SCAF8: variants seen among roughly 807,000 people sequenced by gnomAD.
The protein encoded by SCAF8 is SR-related CTD associated factor 8.
In SCAF8, 23 loss-of-function variants were observed where a neutral mutation model predicts 140.5. The ratio of observed to expected loss-of-function variants is 0.16; its 90% confidence interval spans 0.12 to 0.23. SCAF8 has a LOEUF of 0.23. Among genes scored for constraint, SCAF8 ranks in the 10% least tolerant of loss-of-function variants. The pLI is 1.00. For synonymous variants in SCAF8, 575 were observed against 528.9 expected, an observed-to-expected ratio of 1.09 and a Z score of -1.20; for missense variants, 1,397 against 1,555.7, an observed-to-expected ratio of 0.90 and a Z score of 1.72.
intron 18 of SCAF8, among the ~76,000 whole-genome samples, chr6:154,828,152 C>G (rs921636039): frequency 6.6e-6 from 1 of 152,190 alleles, no homozygotes; most frequent in African/African-American, 2.4e-5. Context: ...TTCCTTTCAT[C>G]CATTGATCAT....
chr6:154,807,993 T>G lies in SCAF8; in HGVS notation c.982-77T>G, dbSNP rs1482367409. 3.1e-6 allele frequency: 4 copies of G among 1,279,848 alleles called. No homozygotes were observed. The East Asian group carries it at 9.6e-5, about 31-fold the overall frequency. The allele number at this position is 1,279,848 out of a possible 1,614,324, so 79.3% of individuals were successfully genotyped here. A position where few individuals can be genotyped will look rare whatever the true frequency, so the allele number is the denominator to read the frequency against. On this transcript the variant is annotated intron_variant, in intron 9 of 19. Coordinates refer to ENST00000367178, the MANE Select transcript of SCAF8 (RefSeq NM_014892.5). ...CATGTTTTTAAACATGTAATTGTGATGTTTGCTGTGTTTACATTTTCATTC... is the reference window on the plus strand; with the variant it reads ...CATGTTTTTAAACATGTAATTGTGAGGTTTGCTGTGTTTACATTTTCATTC...
chr6:154,794,767 G>A (rs1562449772), intron 5 of SCAF8, among the ~76,000 whole-genome samples: 1 of 84,692 alleles, frequency 1.2e-5, no homozygotes, highest in African/African-American at 6.1e-5. Flanking sequence ...GGTGGGGGGG[G>A]GGGGGTGTGG....
At chr6:154,784,374 T>C (rs1188543664) in intron 3 of SCAF8, among the ~76,000 whole-genome samples, 3 of 152,094 alleles carry the variant, frequency 2.0e-5, no homozygotes, top group East Asian at 1.9e-4. Flanking sequence ...TTCCACACTT[T>C]TTAAATTTAC....
At chr6:154,810,358 TAGAGA>T (rs950361672) in intron 12 of SCAF8, 150 bp downstream of exon 12, 10 of 556,984 alleles carry the variant, frequency 1.8e-5, no homozygotes, top group African/African-American at 3.9e-5. Context: ...TGTAACATGA[TAGAGA>T]AGAGAAGAAG....
chr6:154,790,599 C>T (rs1270512075), intron 4 of SCAF8, among the ~76,000 whole-genome samples: 1 of 144,650 alleles, frequency 6.9e-6, no homozygotes, highest in Non-Finnish European at 1.5e-5. Context: ...CAAGCTCCGC[C>T]TCCTGGGTTC....
At chr6:154,831,560 T>C (rs1181750326) in intron 19 of SCAF8, among the ~76,000 whole-genome samples, 1 of 152,026 alleles carries the variant, frequency 6.6e-6, no homozygotes, top group African/African-American at 2.4e-5. Context: ...CAGTAAGTCC[T>C]TTTTCTATGG....
At chr6:154,779,761 G>A (rs1453137324) in intron 3 of SCAF8, among the ~76,000 whole-genome samples, 1 of 88,608 alleles carries the variant, frequency 1.1e-5, no homozygotes, top group Non-Finnish European at 2.0e-5. Flanking sequence ...AAAATAAGGT[G>A]TGTGTGTGTG....
chr6:154,739,473 T>G lies in SCAF8; in HGVS notation c.30+5543T>G, dbSNP rs955996292. ...TTACAATGTAGCCTTTCCCCCATGA[T>G]CTATTTCTCTTGCTGCTCTGAATAG... On this transcript the variant is annotated intron_variant, in intron 1 of 19. Coordinates refer to ENST00000367178, the MANE Select transcript of SCAF8 (RefSeq NM_014892.5). Among the ~76,000 whole-genome samples, 117 of 152,316 alleles carry G rather than the reference T, an allele frequency of 7.7e-4. 1 individual carries two copies. The highest frequency in any genetic ancestry group is 2.7e-3 in the African/African-American group (114 of 41,560).
intron 1 of SCAF8, among the ~76,000 whole-genome samples, chr6:154,759,734 T>A (rs1037557854): frequency 5.3e-5 from 8 of 151,436 alleles, no homozygotes; most frequent in African/African-American, 1.5e-4. Flanking sequence ...GGTGCGATCT[T>A]GGCTCACTGC....
intron 4 of SCAF8, among the ~76,000 whole-genome samples, chr6:154,788,853 CTTAT>C (rs569238211): frequency 1.3e-3 from 197 of 152,060 alleles, no homozygotes; most frequent in African/African-American, 4.6e-3. Context: ...GAGAGGTTAG[CTTAT>C]TTATTTTGGA....
At chr6:154,739,934 C>T (rs1057166400) in intron 1 of SCAF8, among the ~76,000 whole-genome samples, 3 of 151,912 alleles carry the variant, frequency 2.0e-5, no homozygotes, top group African/African-American at 7.3e-5. Flanking sequence ...TTTATTTTTC[C>T]TTTGTTGATG....
chr6:154,782,216 G>A (rs1777106231), intron 3 of SCAF8, among the ~76,000 whole-genome samples: 1 of 152,114 alleles, frequency 6.6e-6, no homozygotes, highest in Admixed American at 6.5e-5. Flanking sequence ...GACCAGCCTG[G>A]GCAAACGTGG....
intron 13 of SCAF8, among the ~76,000 whole-genome samples, chr6:154,818,170 G>A (rs893718938): frequency 6.6e-6 from 1 of 152,016 alleles, no homozygotes; most frequent in African/African-American, 2.4e-5. Context: ...TATACATTTT[G>A]TTTTGTTTTT....
Position 154,810,513 on chromosome 6 carries a change from T to C in SCAF8, c.1420+305T>C, listed in dbSNP as rs143626527. ...TCTGTAGCATGGACACAGTGACTTCTGTCTATAGTATTCTTAGCAATTATG... is the reference window on the plus strand; with the variant it reads ...TCTGTAGCATGGACACAGTGACTTCCGTCTATAGTATTCTTAGCAATTATG... On this transcript the variant is annotated intron_variant, in intron 12 of 19. Transcript: ENST00000367178. 6.3e-3 allele frequency among the ~76,000 whole-genome samples: 961 copies of C among 152,342 alleles called. 13 individuals carry two copies. Among genetic ancestry groups the C allele is most frequent in the African/African-American group, 0.022 (919 of 41,570 alleles).
chr6:154,797,596 G>A (rs1244175289), intron 6 of SCAF8, among the ~76,000 whole-genome samples: 7 of 151,176 alleles, frequency 4.6e-5, no homozygotes, highest in South Asian at 2.1e-4. Context: ...GGGTTTCACC[G>A]TGTTAGCCAG....
rs772469497 is a variant in SCAF8, at chr6:154,831,126, A to G, written c.2345A>G (p.Glu782Gly). ...ATAGACCACCAGATTTCTTCTGGTG[A>G]AAACACCAGATCAGGTAAATAATAA... is the stretch of plus-strand genomic sequence containing the variant. ...HLIDHQISSG[E>G]NTRSVIPNDI... The change falls in exon 19 of 20, where the codon GAA becomes GGA. Residue 782 changes from glutamate to glycine, a missense_variant. Physicochemically the swap from Glu to Gly is moderately conservative, Grantham distance 98 (BLOSUM62 -2). Around this residue, in one of 5 missense-constraint regions of SCAF8, gnomAD observed 930 missense variants for 874.6 expected, o/e 1.06. Transcript: ENST00000367178. The G allele has an allele frequency of 1.3e-6, 2 of 1,586,940 alleles. No homozygotes were observed. The highest frequency in any genetic ancestry group is 1.7e-5 in the Admixed American group (1 of 59,668).
intron 9 of SCAF8, among the ~76,000 whole-genome samples, chr6:154,807,254 CTTAG>C (rs1257375419): frequency 3.3e-5 from 5 of 152,104 alleles, no homozygotes; most frequent in East Asian, 1.9e-4. Flanking sequence ...GAACTCTGGG[CTTAG>C]TTAATTACTC....
At chr6:154,790,064 A>G (rs984523999) in intron 4 of SCAF8, among the ~76,000 whole-genome samples, 1 of 150,570 alleles carries the variant, frequency 6.6e-6, no homozygotes. Context: ...AATATCTCAT[A>G]CTAGGGCTTA....
rs145805313 is a variant in SCAF8, at chr6:154,803,647, A to G, written c.863+24A>G. The stretch of plus-strand genomic sequence containing the variant: ...CTGTAAGAATTTTTTCTTTATAGCC[A>G]TAGTTTTTTTATATTTAGTGGGATG... On this transcript the variant is annotated intron_variant, in intron 8 of 19. Transcript: ENST00000367178. 1,108 of 1,480,500 alleles carry G rather than the reference A, an allele frequency of 7.5e-4. 35 individuals carry two copies. In the East Asian group the frequency reaches 0.025, roughly 33 times the overall value. The allele number at this position is 1,480,500 out of a possible 1,614,324, so 91.7% of individuals were successfully genotyped here. A position where few individuals can be genotyped will look rare whatever the true frequency, so the allele number is the denominator to read the frequency against.
Sources: gnomAD v4.1 joint callset for allele counts (sites outside exome capture counted in the v4.1 genomes callset) on GRCh38, gnomAD v4.1.1 for gene constraint, gnomAD v4.1.1 regional missense constraint, MANE v1.5 for transcripts, NCBI Gene and HGNC (gene_info 2026-07-23, HGNC 2026-07-21) for gene names.